Variants in C8orf76 observed in about 807,000 individuals in gnomAD.
C8orf76 encodes the protein uncharacterized protein C8orf76.
A neutral mutation model predicts 38.1 loss-of-function variants in C8orf76; 46 were observed. The ratio of observed to expected loss-of-function variants is 1.21; its 90% CI spans 0.95 to 1.54. The LOEUF (loss-of-function observed/expected upper bound fraction) is 1.54. Among genes scored for constraint, C8orf76 ranks in the 40% most tolerant of loss-of-function variants. The pLI is 0.00. For synonymous variants in C8orf76, 166 were observed against 167.5 expected, an observed-to-expected ratio of 0.99 and a Z score of 0.07; for missense variants, 461 against 441.6, an observed-to-expected ratio of 1.04 and a Z score of -0.39.
At position 123,241,356 on chromosome 8, in the gene C8orf76, G is replaced by C. The variant is rs374375604; in HGVS notation, c.-10C>G. 10 of 1,547,396 alleles carry C rather than the reference G, an allele frequency of 6.5e-6. No individual in the cohort carries two copies. The South Asian group carries it at 1.2e-4, about 19-fold the overall frequency. ...AGCACCCGGAATCCATCTCGCGCCC[G>C]CGGCGGGGGCAACGAGGAAGCGGGG... On this transcript the variant is annotated 5_prime_UTR_variant, in exon 1 of 6. Transcript: ENST00000276704.
chr8:123,231,173 A>G (rs1825253268), intron 4 of C8orf76, 127 bp downstream of exon 4: 1 of 1,202,294 alleles, frequency 8.3e-7, no homozygotes, highest in Non-Finnish European at 1.1e-6. Context: ...GTTCAACACA[A>G]CCATAGGAAA....
At chr8:123,235,863 A>G (rs1825452724) in intron 3 of C8orf76, among the ~76,000 whole-genome samples, 1 of 152,222 alleles carries the variant, frequency 6.6e-6, no homozygotes, top group African/African-American at 2.4e-5. Flanking sequence ...ACGTGCAAGA[A>G]ACGCCGAGCG....
intron 5 of C8orf76, among the ~76,000 whole-genome samples, chr8:123,222,277 C>A (rs570955816): frequency 6.6e-6 from 1 of 152,248 alleles, no homozygotes; most frequent in Non-Finnish European, 1.5e-5. Flanking sequence ...CGCCACCGCG[C>A]CCGGCAGGCA....
intron 5 of C8orf76, among the ~76,000 whole-genome samples, chr8:123,222,805 TA>T (rs1278589018): frequency 3.3e-5 from 5 of 152,306 alleles, no homozygotes; most frequent in Admixed American, 2.6e-4. Context: ...TTAAATTATA[TA>T]AAACAGAGGT....
chr8:123,235,681 C>G (rs1306422936), intron 3 of C8orf76, among the ~76,000 whole-genome samples: 2 of 152,156 alleles, frequency 1.3e-5, no homozygotes, highest in African/African-American at 4.8e-5. Context: ...TGCCTAGTAA[C>G]CATCCCCAGC....
At chr8:123,241,151 GGGCCGA>G in intron 1 of C8orf76, 73 bp downstream of exon 1, 3 of 1,395,232 alleles carry the variant, frequency 2.2e-6, no homozygotes, top group Non-Finnish European at 2.8e-6. Context: ...GCGGACGGAG[GGGCCGA>G]GGCCGGGGCC....
chr8:123,237,326 GA>G (rs374130356), intron 3 of C8orf76, among the ~76,000 whole-genome samples: 7 of 150,784 alleles, frequency 4.6e-5, no homozygotes, highest in Non-Finnish European at 7.4e-5. Context: ...AAAGGAAAAA[GA>G]AAAAAAAATT....
chr8:123,223,557 G>A lies in C8orf76; in HGVS notation c.948+2943C>T, dbSNP rs552170665. 2.0e-3 allele frequency among the ~76,000 whole-genome samples: 303 copies of A among 152,232 alleles called. 1 individual carries two copies. The highest frequency in any genetic ancestry group is 3.7e-3 in the Non-Finnish European group (251 of 68,020). On this transcript the variant is annotated intron_variant, in intron 5 of 5. Coordinates refer to ENST00000276704, the MANE Select transcript of C8orf76 (RefSeq NM_032847.3). ...TGGAAGGCAGAGGCTGCAGTGAGCCGAGATAGTGCCACTGTACTCCTGCCT... is the reference window on the plus strand; with the variant it reads ...TGGAAGGCAGAGGCTGCAGTGAGCCAAGATAGTGCCACTGTACTCCTGCCT...
At chr8:123,234,939 G>A (rs935297481) in intron 3 of C8orf76, among the ~76,000 whole-genome samples, 4 of 152,120 alleles carry the variant, frequency 2.6e-5, no homozygotes, top group Non-Finnish European at 5.9e-5. Context: ...TCCAGCCTGG[G>A]CAACAGAGCA....
Position 123,231,312 on chromosome 8 carries a change from A to C in C8orf76, c.803T>G (p.Phe268Cys), listed in dbSNP as rs373491057. The change falls in exon 4 of 6, where the codon TTT (phenylalanine) becomes TGT (cysteine). Residue 268 changes from phenylalanine to cysteine, a missense_variant. Phe to Cys is a radical substitution (Grantham distance 205, BLOSUM62 -2). Coordinates refer to ENST00000276704, the MANE Select transcript of C8orf76 (RefSeq NM_032847.3). ...IETQLKACASFIRTRLLLQFT... is the reference protein window; with the variant it reads ...IETQLKACASCIRTRLLLQFT... ...ACTCTCAGCTTACCTGGTTCGTATA[A>C]AAGAGGCACATGCTTTCAGCTGAGT... 2.5e-5 allele frequency: 40 copies of C among 1,609,374 alleles called. No homozygotes were observed. The highest frequency in any genetic ancestry group is 3.4e-5 in the Non-Finnish European group (40 of 1,177,980).
At chr8:123,231,941 T>C (rs1283763809) in intron 3 of C8orf76, among the ~76,000 whole-genome samples, 184 bp from the exon 4 acceptor site, 1 of 152,214 alleles carries the variant, frequency 6.6e-6, no homozygotes, top group Non-Finnish European at 1.5e-5. Context: ...GAGAGATATA[T>C]GCTACCTAGA....
intron 3 of C8orf76, among the ~76,000 whole-genome samples, chr8:123,233,787 G>C (rs1211873547): frequency 6.6e-6 from 1 of 151,968 alleles, no homozygotes; most frequent in Non-Finnish European, 1.5e-5. Context: ...CCAGCACTTT[G>C]GGAGGCCAAG....
intron 3 of C8orf76, chr8:123,236,801 A>C: frequency 1.7e-6 from 1 of 588,220 alleles, no homozygotes; most frequent in Non-Finnish European, 3.1e-6. Flanking sequence ...AAAAAAAAGA[A>C]AGAAAAATTC....
intron 4 of C8orf76, among the ~76,000 whole-genome samples, chr8:123,227,217 T>C (rs1416870165): frequency 6.6e-6 from 1 of 151,474 alleles, no homozygotes; most frequent in Non-Finnish European, 1.5e-5. Context: ...GCTGGTCTCC[T>C]CTCTCATTTA....
intron 5 of C8orf76, among the ~76,000 whole-genome samples, chr8:123,225,944 T>C (rs1586800586): frequency 6.7e-6 from 1 of 150,362 alleles, no homozygotes; most frequent in Non-Finnish European, 1.5e-5. Context: ...AAAAAGTTAA[T>C]GAAGGTTTAC....
Position 123,237,112 on chromosome 8 carries a change from G to C in C8orf76, c.357+686C>G, listed in dbSNP as rs562533505. On this transcript the variant is annotated intron_variant, in intron 3 of 5. Coordinates refer to ENST00000276704, the MANE Select transcript of C8orf76 (RefSeq NM_032847.3). ...TCGCCCAGAAATACAACTACAACAAGATGATCTGCCGCAAGTGCTGTGCCC... is the reference window on the plus strand; with the variant it reads ...TCGCCCAGAAATACAACTACAACAACATGATCTGCCGCAAGTGCTGTGCCC... 530 of 985,050 alleles carry C rather than the reference G, an allele frequency of 5.4e-4. 4 individuals are homozygous for C. The highest frequency in any genetic ancestry group is 2.0e-3 in the Middle Eastern group (7 of 3,560). 61.0% of individuals were successfully genotyped at this position (985,050 alleles called of 1,614,324 possible).
At chr8:123,238,166 C>A (rs1047764691) in intron 2 of C8orf76, among the ~76,000 whole-genome samples, 1 of 152,176 alleles carries the variant, frequency 6.6e-6, no homozygotes, top group African/African-American at 2.4e-5. Context: ...CCATAACCCC[C>A]ACATGTTGTG....
Position 123,226,580 on chromosome 8 carries a change from T to C in C8orf76, c.868A>G (p.Asn290Asp). ...TCAATTTCCTGCTGAGTCCTTAAGT[T>C]CCTCTCCAAAGCAAACGATGTTTGC... ...PQQTSFALER[N>D]LRTQQEIEDK... is the part of the protein sequence containing the mutation. Residue 290 changes from asparagine (N) to aspartate (D), a missense_variant, in exon 5 of 6, where the codon AAC becomes GAC. Physicochemically the swap from Asn to Asp is conservative, Grantham distance 23. Coordinates refer to ENST00000276704, the MANE Select transcript of C8orf76 (RefSeq NM_032847.3). 6.2e-7 allele frequency: 1 copy of C among 1,612,380 alleles called. No homozygotes were observed. Among genetic ancestry groups the C allele is most frequent in the Non-Finnish European group, 8.5e-7 (1 of 1,179,658 alleles).
intron 5 of C8orf76, among the ~76,000 whole-genome samples, chr8:123,226,012 G>A (rs901799382): frequency 2.0e-5 from 3 of 152,102 alleles, no homozygotes; most frequent in South Asian, 2.1e-4. Context: ...AGTAGTAACA[G>A]GGTAGAGCAG....
Sources: allele counts gnomAD v4.1 joint callset (sites outside exome capture counted in the v4.1 genomes callset), GRCh38; gene constraint gnomAD v4.1.1; transcripts MANE v1.5; gene names NCBI Gene and HGNC (gene_info 2026-07-23, HGNC 2026-07-21).